Variants in DUSP16 observed in about 807,000 individuals in gnomAD.
DUSP16 encodes the protein dual specificity protein phosphatase 16.
DUSP16 carries 21 observed loss-of-function variants against 58.3 expected under a neutral mutation model. That is an observed-to-expected ratio of 0.36 (90% CI 0.26 to 0.52). DUSP16 has a LOEUF of 0.52. Ranked by LOEUF, DUSP16 falls within the 20% of genes least tolerant of loss-of-function variation. The pLI is 0.94. For missense variants in DUSP16, 726 were observed against 819.0 expected (o/e 0.89, Z 1.39); for synonymous variants, 320 against 323.8 (o/e 0.99, Z 0.12).
chr12:12,496,752 G>A (rs2136207851), intron 4 of DUSP16, among the ~76,000 whole-genome samples: 1 of 152,310 alleles, frequency 6.6e-6, no homozygotes, highest in Non-Finnish European at 1.5e-5. Flanking sequence ...ATATGAACTA[G>A]GCATCAGCAG....
chr12:12,519,215 AT>A (rs1418152094), intron 3 of DUSP16, among the ~76,000 whole-genome samples: 1 of 152,216 alleles, frequency 6.6e-6, no homozygotes, highest in East Asian at 1.9e-4. Context: ...CAGGAGAGAT[AT>A]AGAATATTTG....
chr12:12,519,074 T>C (rs1236128656), intron 3 of DUSP16, among the ~76,000 whole-genome samples: 3 of 152,374 alleles, frequency 2.0e-5, no homozygotes, highest in Non-Finnish European at 4.4e-5. Flanking sequence ...TTACTGTGTG[T>C]TGTCAAACTA....
chr12:12,482,952 A>G (rs536153175), intron 5 of DUSP16, among the ~76,000 whole-genome samples: 4 of 152,244 alleles, frequency 2.6e-5, no homozygotes, highest in South Asian at 4.1e-4. Flanking sequence ...GCCTCAAGCA[A>G]TCCTCCCGCC....
intron 4 of DUSP16, chr12:12,491,645 A>G (rs1397113328): frequency 1.3e-5 from 2 of 152,184 alleles, no homozygotes; most frequent in Non-Finnish European, 2.9e-5. Flanking sequence ...TAAGTCTGCA[A>G]ATACACACTT....
intron 5 of DUSP16, among the ~76,000 whole-genome samples, chr12:12,486,499 T>TGC (rs1943686481): frequency 7.2e-6 from 1 of 138,092 alleles, no homozygotes; most frequent in African/African-American, 2.5e-5. Context: ...TGTGTGTGTG[T>TGC]GTGTGTGTGT....
At chr12:12,504,626 C>T (rs548778635) in intron 3 of DUSP16, among the ~76,000 whole-genome samples, 8 of 149,196 alleles carry the variant, frequency 5.4e-5, no homozygotes, top group African/African-American at 2.0e-4. Flanking sequence ...AAAACAGTTC[C>T]TGGAATGGTT....
chr12:12,516,486 TGAG>T (rs1406603939), intron 3 of DUSP16, among the ~76,000 whole-genome samples: 1 of 152,244 alleles, frequency 6.6e-6, no homozygotes, highest in African/African-American at 2.4e-5. Flanking sequence ...CGTATTCCTA[TGAG>T]TGGAGCTAGA....
At chr12:12,502,645 G>A (rs1320600710) in intron 3 of DUSP16, among the ~76,000 whole-genome samples, 4 of 149,164 alleles carry the variant, frequency 2.7e-5, no homozygotes, top group African/African-American at 4.9e-5. Flanking sequence ...TCCGCCTCCC[G>A]AGTTCAAGAG....
intron 1 of DUSP16, among the ~76,000 whole-genome samples, chr12:12,540,791 G>C (rs11054963): frequency 2.0e-5 from 3 of 151,894 alleles, no homozygotes; most frequent in Non-Finnish European, 4.4e-5. Flanking sequence ...TGGAGGGAGC[G>C]GCGACACCAC....
At chr12:12,515,089 T>C (rs920955531) in intron 3 of DUSP16, among the ~76,000 whole-genome samples, 7 of 151,950 alleles carry the variant, frequency 4.6e-5, no homozygotes, top group African/African-American at 1.5e-4. Context: ...AAAGAAAAAA[T>C]ATATAGTTTA....
intron 1 of DUSP16, among the ~76,000 whole-genome samples, chr12:12,529,905 T>C (rs947905080): frequency 2.0e-5 from 3 of 152,232 alleles, no homozygotes; most frequent in South Asian, 4.1e-4. Context: ...ATTGTGTACA[T>C]ATATACCACG....
chr12:12,500,579 A>C lies in DUSP16; in HGVS notation c.471T>G (p.Ile157Met), dbSNP rs1943894084. ...ISQPCLPVAN[I>M]GPTRILPNLY... ...GATTGGGAAGAATTCGGGTTGGCCCAATGTTGGCAACAGGTAAGCAAGGCT... is the reference window on the plus strand; with the variant it reads ...GATTGGGAAGAATTCGGGTTGGCCCCATGTTGGCAACAGGTAAGCAAGGCT... The change falls in exon 4 of 7, where the codon ATT becomes ATG. Residue 157 changes from isoleucine to methionine, a missense_variant. By Grantham distance (10) the Ile-to-Met change is conservative (BLOSUM62 1). Coordinates refer to ENST00000298573, the MANE Select transcript of DUSP16 (RefSeq NM_030640.3). 3 of 1,612,446 alleles carry C rather than the reference A, an allele frequency of 1.9e-6. No individual in the cohort carries two copies. The highest frequency in any genetic ancestry group is 2.5e-6 in the Non-Finnish European group (3 of 1,179,406).
At chr12:12,550,570 A>C (rs1296667995) in intron 1 of DUSP16, among the ~76,000 whole-genome samples, 1 of 152,120 alleles carries the variant, frequency 6.6e-6, no homozygotes, top group Non-Finnish European at 1.5e-5. Flanking sequence ...TTTTTTAAAA[A>C]CCCAGTTTCA....
intron 1 of DUSP16, among the ~76,000 whole-genome samples, chr12:12,525,731 TACACAC>T (rs35552389): frequency 0.028 from 4,126 of 146,172 alleles, 112 homozygotes; most frequent in South Asian, 0.14. Flanking sequence ...AATATATGTA[TACACAC>T]ACACACACAC....
chr12:12,523,140 C>T (rs1260806760), intron 1 of DUSP16, among the ~76,000 whole-genome samples: 1 of 152,172 alleles, frequency 6.6e-6, no homozygotes, highest in Non-Finnish European at 1.5e-5. Flanking sequence ...TGTAGCTTTG[C>T]CATTTACTTA....
chr12:12,499,298 TAACATAGC>T (rs1036736219), intron 4 of DUSP16, among the ~76,000 whole-genome samples: 28 of 152,362 alleles, frequency 1.8e-4, no homozygotes, highest in African/African-American at 6.5e-4. Context: ...TTGCTTTCTG[TAACATAGC>T]CTGCTTATCT....
rs1289219900 is a variant in DUSP16 at position 12,475,078 on chromosome 12, C to T, written c.*1755G>A. ...TCGGTCTGTGTTGAGTCATATCATT[C>T]TGTGCTGGTTTTAGAAGTCACCATA... On this transcript the variant is annotated 3_prime_UTR_variant, in exon 7 of 7. Transcript: ENST00000298573. The T allele has an allele frequency of 6.6e-6, 1 of 152,180 alleles. No homozygotes were observed. Among genetic ancestry groups the T allele is most frequent in the African/African-American group, 2.4e-5 (1 of 41,420 alleles). The allele number at this position is 152,180 out of a possible 1,614,324, so 9.4% of individuals were successfully genotyped here. A position where few individuals can be genotyped will look rare whatever the true frequency, so the allele number is the denominator to read the frequency against.
intron 1 of DUSP16, among the ~76,000 whole-genome samples, chr12:12,528,321 GC>G (rs1944334503): frequency 6.6e-6 from 1 of 152,180 alleles, no homozygotes; most frequent in Non-Finnish European, 1.5e-5. Context: ...TGGGAGAGGG[GC>G]CGGTGTATGG....
intron 4 of DUSP16, among the ~76,000 whole-genome samples, chr12:12,491,837 G>A (rs1943764047): frequency 6.6e-6 from 1 of 152,032 alleles, no homozygotes; most frequent in African/African-American, 2.4e-5. Flanking sequence ...CCACTTTCCA[G>A]CTCACTCAAG....
Sources: gnomAD v4.1 joint callset for allele counts (sites outside exome capture counted in the v4.1 genomes callset) on GRCh38, gnomAD v4.1.1 for gene constraint, MANE v1.5 for transcripts, NCBI Gene and HGNC (gene_info 2026-07-23, HGNC 2026-07-21) for gene names.